Variants in MACROD2 observed in about 807,000 individuals in gnomAD.
The protein encoded by MACROD2 is ADP-ribose glycohydrolase MACROD2.
MACROD2 carries 36 observed loss-of-function variants against 70.4 expected under a neutral mutation model. That is an observed-to-expected ratio of 0.51 (90% CI 0.39 to 0.68). The LOEUF is 0.68. Ranked by LOEUF, MACROD2 falls within the 30% of genes least tolerant of loss-of-function variation. MACROD2 has a pLI of 0.00. For synonymous variants in MACROD2, 172 were observed against 178.8 expected, an observed-to-expected ratio of 0.96 and a Z score of 0.30; for missense variants, 496 against 538.4, an observed-to-expected ratio of 0.92 and a Z score of 0.78.
chr20:14,056,451 A>T (rs759408651), intron 2 of MACROD2, among the ~76,000 whole-genome samples: 3 of 150,998 alleles, frequency 2.0e-5, no homozygotes, highest in Non-Finnish European at 3.0e-5. Context: ...TAGTACTTCC[A>T]TTTTTCTTTT....
chr20:14,655,593 G>T (rs1483407014), intron 4 of MACROD2, among the ~76,000 whole-genome samples: 2 of 151,882 alleles, frequency 1.3e-5, no homozygotes, highest in African/African-American at 2.4e-5. Flanking sequence ...GAATTTTTTA[G>T]CTTATTTTTG....
At chr20:14,512,875 C>T (rs2085046317) in intron 4 of MACROD2, among the ~76,000 whole-genome samples, 1 of 151,990 alleles carries the variant, frequency 6.6e-6, no homozygotes, top group Non-Finnish European at 1.5e-5. Flanking sequence ...TAGCCAGAGC[C>T]CTAAGTTGTT....
intron 6 of MACROD2, among the ~76,000 whole-genome samples, chr20:15,356,790 T>A (rs947149733): frequency 6.6e-6 from 1 of 152,014 alleles, no homozygotes; most frequent in South Asian, 2.1e-4. Flanking sequence ...TCAAAAAAAA[T>A]TTTTACTGTA....
intron 3 of MACROD2, among the ~76,000 whole-genome samples, chr20:14,187,766 C>T (rs2081356773): frequency 6.6e-6 from 1 of 152,124 alleles, no homozygotes; most frequent in African/African-American, 2.4e-5. Flanking sequence ...ACTACTGGTT[C>T]CTTATTTGCC....
intron 6 of MACROD2, among the ~76,000 whole-genome samples, chr20:15,430,516 T>C (rs922159756): frequency 6.6e-6 from 1 of 152,048 alleles, no homozygotes; most frequent in Non-Finnish European, 1.5e-5. Context: ...AGAAATCCCT[T>C]GGCAGAGAAA....
chr20:14,925,484 CT>C (rs962565067), intron 5 of MACROD2, among the ~76,000 whole-genome samples: 6 of 152,126 alleles, frequency 3.9e-5, no homozygotes, highest in African/African-American at 1.4e-4. Context: ...TTTTAAAAGG[CT>C]GTTACATGTT....
intron 6 of MACROD2, among the ~76,000 whole-genome samples, chr20:15,373,819 A>G (rs6079791): frequency 0.12 from 18,138 of 152,056 alleles, 1,241 homozygotes; most frequent in Non-Finnish European, 0.16. Flanking sequence ...CAATCCACAA[A>G]CATTGTATAT....
At chr20:14,350,672 G>T (rs2083115295) in intron 3 of MACROD2, among the ~76,000 whole-genome samples, 2 of 151,994 alleles carry the variant, frequency 1.3e-5, no homozygotes, top group African/African-American at 4.8e-5. Context: ...TTGTCAGATG[G>T]GTAGTTTACA....
At chr20:15,234,123 C>T (rs2145991482) in intron 6 of MACROD2, among the ~76,000 whole-genome samples, 1 of 134,276 alleles carries the variant, frequency 7.4e-6, no homozygotes, top group Middle Eastern at 3.8e-3. Flanking sequence ...GCTCCGCCTC[C>T]CAGGTTCACG....
intron 3 of MACROD2, among the ~76,000 whole-genome samples, chr20:14,475,380 C>G (rs1052533845): frequency 2.0e-5 from 3 of 151,982 alleles, no homozygotes; most frequent in African/African-American, 7.2e-5. Context: ...ATTAAAGATA[C>G]AAGTGGTTTA....
rs146356687 is a variant in MACROD2, at chr20:14,760,777, C to T, written c.418+75818C>T. On this transcript the variant is annotated intron_variant, in intron 5 of 17. Coordinates refer to ENST00000684519, the MANE Select transcript of MACROD2 (RefSeq NM_001351661.2). ...TGAACCTTTCCTCTTCTTCCCTTTA[C>T]CAGCCAACAACTACAAACTTAGGTC... Among the ~76,000 whole-genome samples the T allele has an allele frequency of 2.1e-3, 325 of 152,218 alleles. 1 individual carries two copies. Among genetic ancestry groups the T allele is most frequent in the Non-Finnish European group, 4.0e-3 (275 of 68,010 alleles).
intron 5 of MACROD2, among the ~76,000 whole-genome samples, chr20:14,828,479 T>A (rs1237953960): frequency 6.6e-6 from 1 of 152,128 alleles, no homozygotes; most frequent in Non-Finnish European, 1.5e-5. Flanking sequence ...TCAAAGCCAT[T>A]TGAGTGCTTA....
Position 15,729,831 on chromosome 20 carries a change from C to CTTT in MACROD2, c.646-132901_646-132899dup, listed in dbSNP as rs61542762. On this transcript the variant is annotated intron_variant, in intron 8 of 17. Coordinates refer to ENST00000684519, the MANE Select transcript of MACROD2 (RefSeq NM_001351661.2). Reference sequence around the variant, plus strand: ...GAACACAGCATGCAGTTGGGTCATGCTTTTTTTTTTTTTTTGGATGGAGTT... The same window carrying CTTT: ...GAACACAGCATGCAGTTGGGTCATGCTTTTTTTTTTTTTTTTTTGGATGGAGTT... Among the ~76,000 whole-genome samples the CTTT allele has an allele frequency of 3.1e-4, 20 of 64,772 alleles. 3 individuals carry two copies. The highest frequency in any genetic ancestry group is 6.4e-4 in the South Asian group (1 of 1,562). The allele number at this position is 64,772 out of a possible 152,430, so 42.5% of individuals were successfully genotyped here.
At chr20:14,456,168 A>G (rs1024776057) in intron 3 of MACROD2, among the ~76,000 whole-genome samples, 9 of 151,892 alleles carry the variant, frequency 5.9e-5, no homozygotes, top group Non-Finnish European at 1.3e-4. Context: ...TTTAGCTTTA[A>G]AAACAGCCTT....
intron 7 of MACROD2, among the ~76,000 whole-genome samples, chr20:15,467,180 G>T (rs1299553733): frequency 6.6e-6 from 1 of 152,182 alleles, no homozygotes; most frequent in Non-Finnish European, 1.5e-5. Flanking sequence ...CATCCCAGCT[G>T]TCCTAGATCC....
At chr20:15,367,880 C>A (rs1489317896) in intron 6 of MACROD2, among the ~76,000 whole-genome samples, 1 of 151,826 alleles carries the variant, frequency 6.6e-6, no homozygotes, top group Non-Finnish European at 1.5e-5. Flanking sequence ...AGATAAATAC[C>A]TTTTTAAACT....
At chr20:14,118,428 C>G (rs1347843613) in intron 3 of MACROD2, among the ~76,000 whole-genome samples, 1 of 152,194 alleles carries the variant, frequency 6.6e-6, no homozygotes, top group Non-Finnish European at 1.5e-5. Context: ...TGAACATTGA[C>G]TTTCTCCATT....
chr20:14,362,683 C>T (rs2122722889), intron 3 of MACROD2, among the ~76,000 whole-genome samples: 1 of 152,062 alleles, frequency 6.6e-6, no homozygotes, highest in Non-Finnish European at 1.5e-5. Context: ...AAAATAACAC[C>T]AAAAAGTTCC....
At chr20:15,967,681 GAAAAAAAA>G (rs11467891) in intron 13 of MACROD2, 51 bp downstream of exon 13, 5 of 413,578 alleles carry the variant, frequency 1.2e-5, no homozygotes, top group Admixed American at 5.7e-5. Flanking sequence ...CTGGGAAACA[GAAAAAAAA>G]AAAAAAAAAA....
Sources: allele counts gnomAD v4.1 joint callset (sites outside exome capture counted in the v4.1 genomes callset), GRCh38; gene constraint gnomAD v4.1.1; transcripts MANE v1.5; gene names NCBI Gene and HGNC (gene_info 2026-07-23, HGNC 2026-07-21).